The following KCNMA1 variants were observed in gnomAD, a reference collection of about 807,000 sequenced individuals.
The protein encoded by KCNMA1 is Calcium-activated potassium channel subunit alpha-1.
Under a neutral mutation model 140.0 loss-of-function variants are expected in KCNMA1, and 29 were observed. The ratio of observed to expected loss-of-function variants is 0.21; its 90% CI spans 0.15 to 0.28. The LOEUF (loss-of-function observed/expected upper bound fraction) is 0.28, where lower values mean the gene tolerates loss of function less well. Ranked by LOEUF, KCNMA1 falls within the 10% of genes least tolerant of loss-of-function variation. KCNMA1 has a pLI of 1.00. For synonymous variants in KCNMA1, 612 were observed against 611.9 expected, an observed-to-expected ratio of 1.00 and a Z score of 0.00; for missense variants, 880 against 1,602.2, an observed-to-expected ratio of 0.55 and a Z score of 7.70.
chr10:77,621,046 C>T (rs1361517864), intron 1 of KCNMA1, among the ~76,000 whole-genome samples: 2 of 152,220 alleles, frequency 1.3e-5, no homozygotes, highest in African/African-American at 4.8e-5. Context: ...AATTTGTCTC[C>T]TGCTTCCAAA....
At chr10:77,368,138 A>G (rs2094475876) in intron 2 of KCNMA1, among the ~76,000 whole-genome samples, 2 of 152,230 alleles carry the variant, frequency 1.3e-5, no homozygotes, top group Admixed American at 1.3e-4. Context: ...CTGAATAGCA[A>G]CATTGTTTTG....
chr10:77,607,184 C>T (rs1515417), intron 1 of KCNMA1, among the ~76,000 whole-genome samples: 33,181 of 152,126 alleles, frequency 0.22, 3,924 homozygotes, highest in African/African-American at 0.27. Flanking sequence ...ACTGAAGAAG[C>T]TACGTGGTAT....
intron 2 of KCNMA1, among the ~76,000 whole-genome samples, chr10:77,256,776 T>C (rs1470877260): frequency 6.6e-6 from 1 of 152,158 alleles, no homozygotes; most frequent in Non-Finnish European, 1.5e-5. Context: ...CAATTTTCTA[T>C]ATATGATCCC....
intron 1 of KCNMA1, among the ~76,000 whole-genome samples, chr10:77,461,503 T>C (rs1311355133): frequency 6.6e-6 from 1 of 152,144 alleles, no homozygotes; most frequent in Non-Finnish European, 1.5e-5. Context: ...CATGGATGTG[T>C]CTTGATTCAT....
intron 5 of KCNMA1, among the ~76,000 whole-genome samples, chr10:77,129,715 A>C (rs2097816361): frequency 6.6e-6 from 1 of 152,130 alleles, no homozygotes; most frequent in East Asian, 1.9e-4. Context: ...AATTTTAAAA[A>C]TCTGTAGAAT....
chr10:77,276,651 G>T (rs2066765687), intron 2 of KCNMA1, among the ~76,000 whole-genome samples: 1 of 152,078 alleles, frequency 6.6e-6, no homozygotes, highest in South Asian at 2.1e-4. Context: ...TACACAGATT[G>T]ACCCAGTAAC....
At chr10:77,226,414 G>A (rs184193754) in intron 3 of KCNMA1, among the ~76,000 whole-genome samples, 8 of 151,850 alleles carry the variant, frequency 5.3e-5, no homozygotes, top group Non-Finnish European at 7.4e-5. Context: ...TTAACGAGAC[G>A]ACATTCCTGT....
chr10:77,519,613 TG>T (rs2154550088), intron 1 of KCNMA1, among the ~76,000 whole-genome samples: 1 of 152,336 alleles, frequency 6.6e-6, no homozygotes, highest in African/African-American at 2.4e-5. Flanking sequence ...AGCTGGCTCC[TG>T]CTGCCATTCC....
chr10:77,130,253 C>T (rs1297767045), intron 5 of KCNMA1, among the ~76,000 whole-genome samples: 1 of 152,146 alleles, frequency 6.6e-6, no homozygotes, highest in Non-Finnish European at 1.5e-5. Context: ...CTGTTTTTCA[C>T]TTTCAGTACA....
At chr10:77,092,804 T>G (rs1251065695) in intron 9 of KCNMA1, among the ~76,000 whole-genome samples, 1 of 152,200 alleles carries the variant, frequency 6.6e-6, no homozygotes, top group South Asian at 2.1e-4. Context: ...CTACCCAGCA[T>G]GCAAAGAACT....
At chr10:77,230,805 C>T (rs951018999) in intron 3 of KCNMA1, among the ~76,000 whole-genome samples, 2 of 152,166 alleles carry the variant, frequency 1.3e-5, no homozygotes, top group South Asian at 4.1e-4. Context: ...AAAATGGCTT[C>T]CTACTTTTAT....
chr10:77,013,610 C>G (rs929167381), intron 17 of KCNMA1, among the ~76,000 whole-genome samples: 2 of 152,152 alleles, frequency 1.3e-5, no homozygotes, highest in Non-Finnish European at 2.9e-5. Flanking sequence ...TTGCTCTTAA[C>G]ACATAATGAT....
At position 76,952,211 on chromosome 10, in the gene KCNMA1, C is replaced by T. The variant is rs554148825; in HGVS notation, c.2484+1590G>A. On this transcript the variant is annotated intron_variant, in intron 21 of 27. Transcript: ENST00000286628. Reference sequence around the variant, plus strand: ...AATTTAGGCCACCAGGGCAAAAGTGCCATGAATACATCAGAATGTACATAT... The same window carrying T: ...AATTTAGGCCACCAGGGCAAAAGTGTCATGAATACATCAGAATGTACATAT... 1.2e-5 allele frequency: 18 copies of T among 1,541,190 alleles called. No homozygotes were observed. In the African/African-American group the frequency reaches 2.1e-4, roughly 18 times the overall value.
chr10:76,915,287 C>T (rs1234075664), intron 23 of KCNMA1, among the ~76,000 whole-genome samples: 1 of 152,030 alleles, frequency 6.6e-6, no homozygotes, highest in Non-Finnish European at 1.5e-5. Flanking sequence ...GACTTCATAC[C>T]AATTATTTAT....
intron 5 of KCNMA1, among the ~76,000 whole-genome samples, chr10:77,127,293 GAC>G (rs2097763602): frequency 6.6e-6 from 1 of 151,840 alleles, no homozygotes; most frequent in Non-Finnish European, 1.5e-5. Flanking sequence ...TAGCTAAGGA[GAC>G]ACAAATGAGA....
intron 1 of KCNMA1, among the ~76,000 whole-genome samples, chr10:77,441,565 C>T (rs1333891913): frequency 1.3e-5 from 2 of 151,998 alleles, no homozygotes; most frequent in Non-Finnish European, 1.5e-5. Flanking sequence ...CCCCCCACCC[C>T]CTCGCAGGGT....
chr10:77,384,821 T>C (rs2095545862), intron 2 of KCNMA1, among the ~76,000 whole-genome samples: 1 of 152,228 alleles, frequency 6.6e-6, no homozygotes, highest in African/African-American at 2.4e-5. Context: ...CCACGTATGT[T>C]TGAGATCTTC....
chr10:77,552,642 G>A (rs2063133291), intron 1 of KCNMA1, among the ~76,000 whole-genome samples: 5 of 152,184 alleles, frequency 3.3e-5, no homozygotes, highest in Admixed American at 3.3e-4. Context: ...GCAGAGTTTT[G>A]TTTTTCCTGC....
chr10:77,076,570 G>A (rs994327366), intron 13 of KCNMA1, among the ~76,000 whole-genome samples: 3 of 152,130 alleles, frequency 2.0e-5, no homozygotes, highest in African/African-American at 4.8e-5. Context: ...CTGTCTCCCC[G>A]CTCGCTGGCT....
Sources: allele counts gnomAD v4.1 joint callset (sites outside exome capture counted in the v4.1 genomes callset), GRCh38; gene constraint gnomAD v4.1.1; transcripts MANE v1.5; gene names NCBI Gene and HGNC (gene_info 2026-07-23, HGNC 2026-07-21).